Variants in CCDC134 observed in about 807,000 individuals in gnomAD.
CCDC134 encodes coiled-coil domain containing 134.
CCDC134 carries 27 observed loss-of-function variants against 25.6 expected under a neutral mutation model. The observed-to-expected ratio is 1.05, with a 90% CI of 0.78 to 1.45. The LOEUF is 1.45. Ranked by LOEUF, CCDC134 falls within the 40% of genes most tolerant of loss-of-function variation. CCDC134 has a pLI of 0.00. For missense variants in CCDC134, 261 were observed against 286.7 expected, an observed-to-expected ratio of 0.91 and a Z score of 0.65; for synonymous variants, 110 against 115.0, an observed-to-expected ratio of 0.96 and a Z score of 0.28.
chr22:41,821,634 A>G (rs1242248242), intron 6 of CCDC134, among the ~76,000 whole-genome samples: 3 of 152,114 alleles, frequency 2.0e-5, no homozygotes, highest in Non-Finnish European at 4.4e-5. Flanking sequence ...CCCTTGGGAG[A>G]GACCACAGCA....
chr22:41,801,009 C>A (rs1602230728), intron 1 of CCDC134, among the ~76,000 whole-genome samples: 2 of 152,348 alleles, frequency 1.3e-5, no homozygotes, highest in East Asian at 3.9e-4. Flanking sequence ...GAGTTCAGAG[C>A]CTCATGCTGA....
chr22:41,831,226 T>C lies in CCDC134; in HGVS notation c.*5403T>C, dbSNP rs1372962474. Reference sequence around the variant, plus strand: ...TCTTTCTTTTTTTTGAGACAGAGTCTTGCTCTGTCTCCCAGGCTGGAGTGC... The same window carrying C: ...TCTTTCTTTTTTTTGAGACAGAGTCCTGCTCTGTCTCCCAGGCTGGAGTGC... On this transcript the variant is annotated 3_prime_UTR_variant, in exon 7 of 7. Transcript: ENST00000255784. The C allele has an allele frequency of 1.3e-5, 2 of 151,544 alleles. No individual in the cohort carries two copies. Among genetic ancestry groups the C allele is most frequent in the African/African-American group, 4.9e-5 (2 of 41,164 alleles). The allele number at this position is 151,544 out of a possible 1,614,324, so 9.4% of individuals were successfully genotyped here. A position where few individuals can be genotyped will look rare whatever the true frequency, so the allele number is the denominator to read the frequency against.
chr22:41,828,428 AC>A lies in CCDC134; in HGVS notation c.*2606del, dbSNP rs934891199. ...GCCAAAGAGTGGGGCCTGGTCTTGA[AC>A]TATCTCCTCATCTGCCCCTTCTGGC... On this transcript the variant is annotated 3_prime_UTR_variant, in exon 7 of 7. Transcript: ENST00000255784. Among the ~76,000 whole-genome samples, 1 of 152,156 alleles carries A rather than the reference AC, an allele frequency of 6.6e-6. No individual in the cohort carries two copies. Among genetic ancestry groups the A allele is most frequent in the African/African-American group, 2.4e-5 (1 of 41,416 alleles).
intron 4 of CCDC134, 75 bp downstream of exon 4, chr22:41,810,366 G>A: frequency 4.3e-6 from 6 of 1,397,862 alleles, no homozygotes; most frequent in Non-Finnish European, 6.0e-6. Context: ...TCCTGTTCTT[G>A]TCACTCTTTT....
At chr22:41,809,708 C>A (rs1028315505) in intron 2 of CCDC134, among the ~76,000 whole-genome samples, 171 bp from the exon 3 acceptor site, 1 of 152,152 alleles carries the variant, frequency 6.6e-6, no homozygotes, top group Non-Finnish European at 1.5e-5. Flanking sequence ...ATGAATAGTG[C>A]GTTGCAGGTC....
intron 6 of CCDC134, among the ~76,000 whole-genome samples, chr22:41,820,440 C>T (rs1374686145): frequency 6.6e-6 from 1 of 152,184 alleles, no homozygotes; most frequent in Non-Finnish European, 1.5e-5. Flanking sequence ...GCTAGGATTA[C>T]AGGCGCAGAC....
At chr22:41,809,724 A>G (rs1296408473) in intron 2 of CCDC134, among the ~76,000 whole-genome samples, 155 bp from the exon 3 acceptor site, 1 of 152,190 alleles carries the variant, frequency 6.6e-6, no homozygotes, top group African/African-American at 2.4e-5. Flanking sequence ...AGGTCCATGC[A>G]CTTGTCAGTT....
At chr22:41,807,395 C>T (rs2076573214) in intron 1 of CCDC134, among the ~76,000 whole-genome samples, 1 of 151,446 alleles carries the variant, frequency 6.6e-6, no homozygotes, top group Admixed American at 6.6e-5. Flanking sequence ...AAACCCACGT[C>T]TAAGAAAAAT....
At chr22:41,815,150 G>A (rs2076616426) in intron 6 of CCDC134, among the ~76,000 whole-genome samples, 1 of 150,674 alleles carries the variant, frequency 6.6e-6, no homozygotes, top group Non-Finnish European at 1.5e-5. Flanking sequence ...CCAACAGTCT[G>A]CCCCAAGCCC....
In CCDC134 at chr22:41,808,914, C is replaced by A. The variant is rs148167797; in HGVS notation, c.24C>A (p.Ala8=). 3.2e-5 allele frequency: 51 copies of A among 1,614,198 alleles called. No homozygotes were observed. Among genetic ancestry groups the A allele is most frequent in the Non-Finnish European group, 4.2e-5 (49 of 1,180,024 alleles). The part of the protein sequence containing the change: MDLLQFL[A]FLFVLLLSGM... ...ATATGGACCTTCTTCAATTCCTGGC[C>A]TTCCTCTTTGTCCTGCTTTTGTCTG... is the stretch of plus-strand genomic sequence containing the variant. Residue 8 remains alanine (A), a synonymous_variant, in exon 2 of 7, where the codon GCC becomes GCA. Transcript: ENST00000255784.
At chr22:41,807,050 A>C (rs1569353548) in intron 1 of CCDC134, among the ~76,000 whole-genome samples, 1 of 152,160 alleles carries the variant, frequency 6.6e-6, no homozygotes, top group Non-Finnish European at 1.5e-5. Context: ...TCCGTCTCAA[A>C]AAAACAAAAC....
chr22:41,803,117 A>G lies in CCDC134; in HGVS notation c.-17+2351A>G, dbSNP rs532718031. ...CAACAAGAGCGAAACTCCGTCTCAA[A>G]AAAAAAAAGTTATCTGGGCATTGGT... On this transcript the variant is annotated intron_variant, in intron 1 of 6. Transcript: ENST00000255784. Among the ~76,000 whole-genome samples the G allele has an allele frequency of 1.3e-4, 20 of 152,064 alleles. No individual in the cohort carries two copies. In the South Asian group the frequency reaches 2.5e-3, roughly 19 times the overall value.
chr22:41,819,963 T>TTATATATATA lies in CCDC134; in HGVS notation c.565-5708_565-5699dup, dbSNP rs34213936. The stretch of plus-strand genomic sequence containing the variant: ...GGAGAGCAGGCTGTGACTTACCACT[T>TTATATATATA]TATATATATATATATATATATATAT... On this transcript the variant is annotated intron_variant, in intron 6 of 6. Transcript: ENST00000255784. Among the ~76,000 whole-genome samples the TTATATATATA allele has an allele frequency of 8.2e-3, 674 of 82,450 alleles. 11 individuals carry two copies. Among genetic ancestry groups the TTATATATATA allele is most frequent in the East Asian group, 0.074 (130 of 1,760 alleles). The allele number at this position is 82,450 out of a possible 152,430, so 54.1% of individuals were successfully genotyped here. A position where few individuals can be genotyped will look rare whatever the true frequency, so the allele number is the denominator to read the frequency against.
Position 41,810,297 on chromosome 22 carries a change from G to A in CCDC134, c.310+6G>A, listed in dbSNP as rs1249937604. ...GGACGAGAAGCTGAAGGATGGTATGGTCTGCCCTGCCCCGCCCTGTCCTCC... is the reference window on the plus strand; with the variant it reads ...GGACGAGAAGCTGAAGGATGGTATGATCTGCCCTGCCCCGCCCTGTCCTCC... On this transcript the variant is annotated splice_donor_region_variant and intron_variant, in intron 4 of 6. Transcript: ENST00000255784. 2 of 1,613,050 alleles carry A rather than the reference G, an allele frequency of 1.2e-6. No individual in the cohort carries two copies. Among genetic ancestry groups the A allele is most frequent in the Admixed American group, 3.3e-5 (2 of 59,966 alleles).
intron 6 of CCDC134, among the ~76,000 whole-genome samples, chr22:41,824,992 C>T (rs905371741): frequency 3.3e-5 from 5 of 151,992 alleles, no homozygotes; most frequent in Admixed American, 2.0e-4. Flanking sequence ...GAGGGAATGC[C>T]GGGTGCAGGT....
chr22:41,803,436 T>G (rs1425296161), intron 1 of CCDC134, among the ~76,000 whole-genome samples: 2 of 152,130 alleles, frequency 1.3e-5, no homozygotes, highest in African/African-American at 4.8e-5. Flanking sequence ...GGAGTGATAC[T>G]TCAACAAAAA....
chr22:41,814,293 C>T lies in CCDC134; in HGVS notation c.564+471C>T, dbSNP rs561010466. ...ATAAAAGATGAGGACAGGCCGGGCACGGTGGCTCACATCTGTAATTCCAGC... is the reference window on the plus strand; with the variant it reads ...ATAAAAGATGAGGACAGGCCGGGCATGGTGGCTCACATCTGTAATTCCAGC... On this transcript the variant is annotated intron_variant, in intron 6 of 6. Transcript: ENST00000255784. Among the ~76,000 whole-genome samples, 14 of 152,200 alleles carry T rather than the reference C, an allele frequency of 9.2e-5. No individual in the cohort carries two copies. In the East Asian group the frequency reaches 2.3e-3, roughly 25 times the overall value.
In CCDC134 at chr22:41,813,705, G is replaced by A. The variant is rs148750497; in HGVS notation, c.493-46G>A. 1.0e-5 allele frequency: 16 copies of A among 1,571,934 alleles called. No individual in the cohort carries two copies. In the East Asian group the frequency reaches 3.6e-4, roughly 35 times the overall value. ...GGAAGGAATGACTCTCTGGTGAGCAGGACTCAGGAGAAGGCAGATGATGAC... is the reference window on the plus strand; with the variant it reads ...GGAAGGAATGACTCTCTGGTGAGCAAGACTCAGGAGAAGGCAGATGATGAC... On this transcript the variant is annotated intron_variant, in intron 5 of 6. Transcript: ENST00000255784.
intron 4 of CCDC134, among the ~76,000 whole-genome samples, chr22:41,811,553 C>T (rs1327756427): frequency 2.0e-5 from 3 of 152,152 alleles, no homozygotes; most frequent in African/African-American, 7.2e-5. Flanking sequence ...CTCAGCCTCC[C>T]GAGTAGCTGG....
Sources: gnomAD v4.1 joint callset for allele counts (sites outside exome capture counted in the v4.1 genomes callset) on GRCh38, gnomAD v4.1.1 for gene constraint, MANE v1.5 for transcripts, NCBI Gene and HGNC (gene_info 2026-07-23, HGNC 2026-07-21) for gene names.